Variants in SUMF1 observed in about 807,000 individuals in gnomAD.
SUMF1 encodes the protein formylglycine-generating enzyme.
SUMF1 carries 48 observed loss-of-function variants against 47.6 expected under a neutral mutation model. The ratio of observed to expected loss-of-function variants is 1.01; its 90% CI spans 0.80 to 1.28. The LOEUF is 1.28. Among genes scored for constraint, SUMF1 ranks in the 50% most tolerant of loss-of-function variants. The probability of loss-of-function intolerance (pLI) is 0.00; values close to 1 mark genes in which losing one functional copy is unlikely to be tolerated. For missense variants in SUMF1, 571 were observed against 485.4 expected (o/e 1.18, Z -1.66); for synonymous variants, 230 against 192.1 (o/e 1.20, Z -1.63).
chr3:4,350,708 T>A (rs1267722595), intron 8 of SUMF1, among the ~76,000 whole-genome samples: 1 of 152,160 alleles, frequency 6.6e-6, no homozygotes, highest in Non-Finnish European at 1.5e-5. Flanking sequence ...AGTAAAAAGA[T>A]GACAAATTAT....
intron 8 of SUMF1, among the ~76,000 whole-genome samples, chr3:4,253,250 G>A (rs1474742996): frequency 2.6e-5 from 4 of 152,110 alleles, no homozygotes; most frequent in Admixed American, 6.5e-5. Context: ...ATGGAAATAG[G>A]GGGAGGAGCC....
Position 4,418,063 on chromosome 3 carries a change from C to T in SUMF1, c.672G>A (p.Arg224=), listed in dbSNP as rs1701773143. 1.9e-6 allele frequency: 3 copies of T among 1,614,040 alleles called. No homozygotes were observed. The highest frequency in any genetic ancestry group is 2.5e-6 in the Non-Finnish European group (3 of 1,180,010). Residue 224 remains arginine, a synonymous_variant, in exon 5 of 9, where the codon CGG becomes CGA. Transcript: ENST00000272902. The part of the protein sequence containing the change: ...AVAYCTWAGK[R]LPTEAEWEYS... ...ATTCCCACTCAGCTTCCGTGGGCAG[C>T]CGCTTCCCTGCCCAAGTGCAGTAGG... is the stretch of plus-strand genomic sequence containing the variant.
chr3:4,177,595 C>G (rs1366694480), intron 8 of SUMF1, among the ~76,000 whole-genome samples: 1 of 152,042 alleles, frequency 6.6e-6, no homozygotes, highest in East Asian at 1.9e-4. Context: ...CAGGAAAGAT[C>G]TAAAATCAAC....
intron 8 of SUMF1, among the ~76,000 whole-genome samples, chr3:4,078,846 G>T (rs1692496415): frequency 6.6e-6 from 1 of 152,062 alleles, no homozygotes; most frequent in South Asian, 2.1e-4. Context: ...GACAGAGAGG[G>T]GTTTAATAAC....
At chr3:4,121,080 A>C (rs975491223) in intron 8 of SUMF1, among the ~76,000 whole-genome samples, 3 of 152,152 alleles carry the variant, frequency 2.0e-5, no homozygotes, top group African/African-American at 7.2e-5. Context: ...AGGGTAATAA[A>C]CAGCAACAAC....
chr3:4,212,766 C>A (rs1695827386), intron 8 of SUMF1, among the ~76,000 whole-genome samples: 1 of 152,054 alleles, frequency 6.6e-6, no homozygotes. Context: ...GGGAAGCATA[C>A]ACAAGTATCA....
chr3:4,254,944 A>G (rs1238872986), intron 8 of SUMF1, among the ~76,000 whole-genome samples: 1 of 152,124 alleles, frequency 6.6e-6, no homozygotes, highest in Non-Finnish European at 1.5e-5. Flanking sequence ...GCCAGAAGAG[A>G]GGGGGGGCCA....
At chr3:4,126,214 G>A (rs958874294) in intron 8 of SUMF1, among the ~76,000 whole-genome samples, 1 of 149,602 alleles carries the variant, frequency 6.7e-6, no homozygotes, top group Non-Finnish European at 1.5e-5. Context: ...AATATAATTT[G>A]TGCATCCTAG....
intron 8 of SUMF1, among the ~76,000 whole-genome samples, chr3:4,254,658 G>A (rs200458634): frequency 0.34 from 49,317 of 143,402 alleles, 8,864 homozygotes; most frequent in Non-Finnish European, 0.43. Flanking sequence ...TGAAAGTGAT[G>A]GGGAGAATGG....
intron 8 of SUMF1, among the ~76,000 whole-genome samples, chr3:4,197,741 T>C (rs1028154332): frequency 2.6e-5 from 4 of 152,112 alleles, no homozygotes; most frequent in African/African-American, 7.2e-5. Context: ...TAAACATTTA[T>C]GTCAAACGAC....
At chr3:4,325,864 A>C (rs139346516) in intron 8 of SUMF1, among the ~76,000 whole-genome samples, 16 of 152,292 alleles carry the variant, frequency 1.1e-4, no homozygotes, top group South Asian at 4.1e-4. Flanking sequence ...TAAAGCTAGA[A>C]TCTAACAGGT....
At chr3:4,220,251 A>C (rs1696032200) in intron 8 of SUMF1, among the ~76,000 whole-genome samples, 1 of 152,088 alleles carries the variant, frequency 6.6e-6, no homozygotes, top group South Asian at 2.1e-4. Flanking sequence ...ACTTCATACG[A>C]GGGGATTTAG....
chr3:4,404,658 C>T (rs1252673200), intron 7 of SUMF1, among the ~76,000 whole-genome samples: 2 of 152,002 alleles, frequency 1.3e-5, no homozygotes, highest in African/African-American at 4.8e-5. Flanking sequence ...CAGCTACTTG[C>T]GAGGCTGAGG....
At chr3:4,165,478 T>C (rs1045975307) in intron 8 of SUMF1, among the ~76,000 whole-genome samples, 1 of 152,058 alleles carries the variant, frequency 6.6e-6, no homozygotes, top group Non-Finnish European at 1.5e-5. Flanking sequence ...AGGGGAGCTG[T>C]AGGAAGGCTA....
At chr3:4,408,725 C>T (rs1701449542) in intron 7 of SUMF1, among the ~76,000 whole-genome samples, 1 of 152,168 alleles carries the variant, frequency 6.6e-6, no homozygotes, top group Admixed American at 6.5e-5. Context: ...AATCCCAGAA[C>T]TTTGGGGGGA....
chr3:4,264,135 A>G (rs1697141442), intron 8 of SUMF1, among the ~76,000 whole-genome samples: 1 of 152,180 alleles, frequency 6.6e-6, no homozygotes, highest in African/African-American at 2.4e-5. Flanking sequence ...TCTCCTCGCT[A>G]TAATCTGACT....
At chr3:4,136,298 G>A (rs569434071) in intron 8 of SUMF1, among the ~76,000 whole-genome samples, 93 of 151,600 alleles carry the variant, frequency 6.1e-4, no homozygotes, top group African/African-American at 2.2e-3. Context: ...AAGGAATAGA[G>A]CCCTCAGAAA....
chr3:4,281,152 A>T (rs1697521610), intron 8 of SUMF1, among the ~76,000 whole-genome samples: 1 of 152,130 alleles, frequency 6.6e-6, no homozygotes, highest in African/African-American at 2.4e-5. Flanking sequence ...ACAGATAAGA[A>T]GAGCATGGTG....
At chr3:4,453,138 G>T (rs189436273) in intron 1 of SUMF1, 89 bp from the exon 2 acceptor site, 3 of 1,355,080 alleles carry the variant, frequency 2.2e-6, no homozygotes, top group African/African-American at 2.9e-5. Context: ...CAGGAAGCAC[G>T]CAAGTTTGTA....
Sources: allele counts gnomAD v4.1 joint callset (sites outside exome capture counted in the v4.1 genomes callset), GRCh38; gene constraint gnomAD v4.1.1; transcripts MANE v1.5; gene names NCBI Gene and HGNC (gene_info 2026-07-23, HGNC 2026-07-21).